GAS2L2: variants seen among roughly 807,000 people sequenced by gnomAD.
The protein encoded by GAS2L2 is GAS2-like protein 2.
In GAS2L2, 21 loss-of-function variants were observed where a neutral mutation model predicts 35.2. That is an observed-to-expected ratio of 0.60 (90% CI 0.42 to 0.86). The LOEUF (loss-of-function observed/expected upper bound fraction) is 0.86, where lower values mean the gene tolerates loss of function less well. GAS2L2 is among the 40% of genes least tolerant of loss of function. GAS2L2 has a pLI of 0.00. For missense variants in GAS2L2, 1,169 were observed against 1,144.4 expected (o/e 1.02, Z -0.31); for synonymous variants, 490 against 473.2 (o/e 1.04, Z -0.46).
At position 35,750,181 on chromosome 17, in the gene GAS2L2, T is replaced by G. The variant is rs930706750; in HGVS notation, c.523A>C (p.Ile175Leu). 1.2e-6 allele frequency: 2 copies of G among 1,612,638 alleles called. No individual in the cohort carries two copies. The highest frequency in any genetic ancestry group is 2.7e-5 in the African/African-American group (2 of 74,948). Residue 175 changes from isoleucine to leucine, a missense_variant, in exon 2 of 6, where the codon ATC becomes CTC. Coordinates refer to ENST00000604641, the MANE Select transcript of GAS2L2 (RefSeq NM_139285.4). ...APTLVQLEEE[I>L]EEEVRRELAL... ...AGCTCCCGCCGCACCTCCTCCTCGATCTCCTCCTCCAGCTGCACGAGTGTG... is the reference window on the plus strand; with the variant it reads ...AGCTCCCGCCGCACCTCCTCCTCGAGCTCCTCCTCCAGCTGCACGAGTGTG...
intron 3 of GAS2L2, 32 bp downstream of exon 3, chr17:35,749,078 T>TG: frequency 7.1e-7 from 1 of 1,412,976 alleles, no homozygotes; most frequent in Non-Finnish European, 1.0e-6. Context: ...AACCCTATTC[T>TG]GGGGGTCCCT....
chr17:35,748,228 T>C (rs587659797), intron 3 of GAS2L2, among the ~76,000 whole-genome samples: 1 of 152,300 alleles, frequency 6.6e-6, no homozygotes, highest in African/African-American at 2.4e-5. Context: ...GTAAACGGTT[T>C]TGCATCTGTA....
Position 35,747,807 on chromosome 17 carries a change from C to T in GAS2L2, c.832+42G>A, listed in dbSNP as rs375985590. 108 of 1,566,738 alleles carry T rather than the reference C, an allele frequency of 6.9e-5. No individual in the cohort carries two copies. The African/African-American group carries it at 1.3e-3, about 18-fold the overall frequency. On this transcript the variant is annotated intron_variant, in intron 4 of 5. Transcript: ENST00000604641. ...AGCCTCCCAACCCAGAGCTAGGCCTCTTCAACCAACCCCACAGGGAGAGGG... is the reference window on the plus strand; with the variant it reads ...AGCCTCCCAACCCAGAGCTAGGCCTTTTCAACCAACCCCACAGGGAGAGGG...
Position 35,752,551 on chromosome 17 carries a change from A to G in GAS2L2, c.300T>C (p.Asn100=). The change falls in exon 1 of 6, where the codon AAT becomes AAC. Residue 100 remains asparagine, a synonymous_variant. Transcript: ENST00000604641. ...GGAAGGTACCTGGCTGGGCGGCCCC[A>G]TTGCAGGAGACCCCGACCCGGGGCA... ...IPMPRVGVSC[N]GAAQPGTFQA... is the part of the protein sequence containing the mutation. 1 of 1,613,638 alleles carries G rather than the reference A, an allele frequency of 6.2e-7. No individual in the cohort carries two copies. The highest frequency in any genetic ancestry group is 8.5e-7 in the Non-Finnish European group (1 of 1,179,558).
Position 35,744,598 on chromosome 17 carries a change from T to C in GAS2L2, c.*256A>G. 1 of 455,072 alleles carries C rather than the reference T, an allele frequency of 2.2e-6. No homozygotes were observed. Among genetic ancestry groups the C allele is most frequent in the East Asian group, 3.2e-5 (1 of 31,110 alleles). The allele number at this position is 455,072 out of a possible 1,614,324, so 28.2% of individuals were successfully genotyped here. ...CAGGGGCCAGAGGCCAGGAGTGTGG[T>C]GAGCCGTTCTAGGGGAGAGTAATGA... is the stretch of plus-strand genomic sequence containing the variant. On this transcript the variant is annotated 3_prime_UTR_variant, in exon 6 of 6. Coordinates refer to ENST00000604641, the MANE Select transcript of GAS2L2 (RefSeq NM_139285.4).
At chr17:35,752,219 A>C (rs2085707966) in intron 1 of GAS2L2, among the ~76,000 whole-genome samples, 1 of 152,230 alleles carries the variant, frequency 6.6e-6, no homozygotes, top group Non-Finnish European at 1.5e-5. Context: ...CTCAGCACAG[A>C]AGAGGTGCTT....
intron 3 of GAS2L2, among the ~76,000 whole-genome samples, chr17:35,748,635 A>AG (rs1181547864): frequency 2.6e-4 from 39 of 152,328 alleles, no homozygotes; most frequent in African/African-American, 9.1e-4. Flanking sequence ...GGCAAGTGGT[A>AG]GGGGTGGAAC....
rs1024112542 is a variant in GAS2L2, at chr17:35,745,614, C to G, written c.1883G>C (p.Gly628Ala). ...GTAGACCCCACTGCGAGGGATGACC[C>G]CAGACCTTGTGCCCTGCGGACAGGC... is the stretch of plus-strand genomic sequence containing the variant. Reference protein sequence around the residue: ...RSACPQGTRSGVIPRSGVYIP... With the variant: ...RSACPQGTRSAVIPRSGVYIP... Residue 628 changes from glycine (G) to alanine (A), a missense_variant, in exon 6 of 6, where the codon GGG becomes GCG. Gly to Ala is a moderately conservative substitution (Grantham distance 60, BLOSUM62 0). Transcript: ENST00000604641. The G allele has an allele frequency of 6.2e-7, 1 of 1,613,922 alleles. No homozygotes were observed. The highest frequency in any genetic ancestry group is 1.1e-5 in the South Asian group (1 of 91,092).
chr17:35,747,739 G>T, intron 4 of GAS2L2, 110 bp downstream of exon 4: 1 of 838,878 alleles, frequency 1.2e-6, no homozygotes, highest in Non-Finnish European at 2.0e-6. Flanking sequence ...CCCACCTACC[G>T]CTCCCCTCCT....
In GAS2L2 at chr17:35,750,455, G is replaced by A. The variant is rs958339913; in HGVS notation, c.386-137C>T. ...GGGCAGCAGACATGGGGAGTGGTTT[G>A]GGTCTCAGAATCTTGGGGTCAAGTC... On this transcript the variant is annotated intron_variant, in intron 1 of 5. Coordinates refer to ENST00000604641, the MANE Select transcript of GAS2L2 (RefSeq NM_139285.4). 3.1e-5 allele frequency: 38 copies of A among 1,231,200 alleles called. No individual in the cohort carries two copies. The African/African-American group carries it at 4.7e-4, about 15-fold the overall frequency. 76.3% of individuals were successfully genotyped at this position (1,231,200 alleles called of 1,614,324 possible). A position where few individuals can be genotyped will look rare whatever the true frequency, so the allele number is the denominator to read the frequency against.
Position 35,752,885 on chromosome 17 carries a change from C to T in GAS2L2, c.-35G>A, listed in dbSNP as rs782727102. The T allele has an allele frequency of 6.5e-7, 1 of 1,546,762 alleles. No homozygotes were observed. The highest frequency in any genetic ancestry group is 1.8e-5 in the Admixed American group (1 of 54,080). ...CCAGCAGGGCAGGAGGTGGGCACCTCCCCTCTCCCACTGCCGCCTCTTTCC... is the reference window on the plus strand; with the variant it reads ...CCAGCAGGGCAGGAGGTGGGCACCTTCCCTCTCCCACTGCCGCCTCTTTCC... On this transcript the variant is annotated 5_prime_UTR_variant, in exon 1 of 6. Coordinates refer to ENST00000604641, the MANE Select transcript of GAS2L2 (RefSeq NM_139285.4).
Position 35,747,109 on chromosome 17 carries a change from C to T in GAS2L2, c.992G>A (p.Arg331Gln), listed in dbSNP as rs370992265. The T allele has an allele frequency of 6.7e-5, 108 of 1,612,900 alleles. No homozygotes were observed. The African/African-American group carries it at 7.1e-4, about 11-fold the overall frequency. Reference protein sequence around the residue: ...VDWKTYTSSDRRLRPPTPSSP... With the variant: ...VDWKTYTSSDQRLRPPTPSSP... ...GGATGGGGTGGGGGGCCTCAGCCTT[C>T]GGTCTGAAGAGGTATATGTCTTCCA... The change falls in exon 5 of 6, where the codon CGA (arginine) becomes CAA (glutamine). Residue 331 changes from arginine (R) to glutamine (Q), a missense_variant. Arg to Gln is a conservative substitution (Grantham distance 43). Around this residue, in one of 3 missense-constraint regions of GAS2L2, gnomAD observed 1,035 missense variants for 976.5 expected, o/e 1.06. Coordinates refer to ENST00000604641, the MANE Select transcript of GAS2L2 (RefSeq NM_139285.4).
intron 1 of GAS2L2, among the ~76,000 whole-genome samples, chr17:35,751,441 G>A (rs1555599753): frequency 1.3e-5 from 2 of 152,116 alleles, no homozygotes; most frequent in Non-Finnish European, 2.9e-5. Flanking sequence ...GCTAAGGCGG[G>A]CGGATCACTT....
Position 35,753,151 on chromosome 17 carries a change from G to A in GAS2L2, c.-301C>T, listed in dbSNP as rs1234805333. On this transcript the variant is annotated 5_prime_UTR_variant, in exon 1 of 6. Transcript: ENST00000604641. ...TTCACCCCTCTGAGGCCAGATGGAA[G>A]TGAGGACACTCCTCTCTTTCCCCAG... Among the ~76,000 whole-genome samples, 1 of 152,176 alleles carries A rather than the reference G, an allele frequency of 6.6e-6. No individual in the cohort carries two copies. The highest frequency in any genetic ancestry group is 1.5e-5 in the Non-Finnish European group (1 of 68,024).
Position 35,744,591 on chromosome 17 carries a change from A to C in GAS2L2, c.*263T>G. On this transcript the variant is annotated 3_prime_UTR_variant, in exon 6 of 6. Transcript: ENST00000604641. ...GCATGGCCAGGGGCCAGAGGCCAGG[A>C]GTGTGGTGAGCCGTTCTAGGGGAGA... The C allele has an allele frequency of 2.3e-6, 1 of 441,268 alleles. No individual in the cohort carries two copies. The highest frequency in any genetic ancestry group is 4.1e-6 in the Non-Finnish European group (1 of 246,640). 27.3% of individuals were successfully genotyped at this position (441,268 alleles called of 1,614,324 possible).
chr17:35,752,966 C>G lies in GAS2L2; in HGVS notation c.-116G>C. 1 of 1,181,544 alleles carries G rather than the reference C, an allele frequency of 8.5e-7. No individual in the cohort carries two copies. The highest frequency in any genetic ancestry group is 1.2e-6 in the Non-Finnish European group (1 of 862,758). 73.2% of individuals were successfully genotyped at this position (1,181,544 alleles called of 1,614,324 possible). A position where few individuals can be genotyped will look rare whatever the true frequency, so the allele number is the denominator to read the frequency against. On this transcript the variant is annotated 5_prime_UTR_variant, in exon 1 of 6. Transcript: ENST00000604641. ...TTCCTGATTCTGAGGTTCCCGTGTA[C>G]TCGCTGAGAGCCCGGGACCTCCAGT...
At chr17:35,747,384 G>A in intron 4 of GAS2L2, 116 bp from the exon 5 acceptor site, 1 of 1,219,298 alleles carries the variant, frequency 8.2e-7, no homozygotes, top group Non-Finnish European at 1.1e-6. Flanking sequence ...AAAACAGTGG[G>A]ACCTACAGTG....
rs782524428 is a variant in GAS2L2, at chr17:35,750,094, G to A, written c.610C>T (p.Arg204Cys). 3.6e-5 allele frequency: 58 copies of A among 1,602,144 alleles called. No homozygotes were observed. Among genetic ancestry groups the A allele is most frequent in the Non-Finnish European group, 4.8e-5 (57 of 1,176,154 alleles). ...CCCCTCACCATCTGGTCCAGGTTGC[G>A]GAAGTGGCAGGGCTGGCGCCTGGGG... is the stretch of plus-strand genomic sequence containing the variant. ...APPRRQPCHF[R>C]NLDQMVQSLV... is the part of the protein sequence containing the mutation. The change falls in exon 2 of 6, where the codon CGC becomes TGC. Residue 204 changes from arginine to cysteine, a missense_variant. Arg to Cys is a radical substitution (Grantham distance 180). This residue lies in a region of GAS2L2 where 1,035 missense variants were observed against 976.5 expected (regional missense o/e 1.06). Coordinates refer to ENST00000604641, the MANE Select transcript of GAS2L2 (RefSeq NM_139285.4).
chr17:35,745,491 T>C lies in GAS2L2; in HGVS notation c.2006A>G (p.Asp669Gly), dbSNP rs782037187. 4.4e-6 allele frequency: 7 copies of C among 1,601,100 alleles called. No individual in the cohort carries two copies. Among genetic ancestry groups the C allele is most frequent in the East Asian group, 2.2e-5 (1 of 44,634 alleles). Residue 669 changes from aspartate (D) to glycine (G), a missense_variant, in exon 6 of 6, where the codon GAC (aspartate) becomes GGC (glycine). Coordinates refer to ENST00000604641, the MANE Select transcript of GAS2L2 (RefSeq NM_139285.4). ...CGGGGCTGCCTTCCAGGCTTCCAGG[T>C]CCACTTTAAGGAGGGATGGGGACCC... ...AQGSPSLLKVDLEAWKAAPTG... is the reference protein window; with the variant it reads ...AQGSPSLLKVGLEAWKAAPTG...
Sources: gnomAD v4.1 joint callset for allele counts (sites outside exome capture counted in the v4.1 genomes callset) on GRCh38, gnomAD v4.1.1 for gene constraint, gnomAD v4.1.1 regional missense constraint, MANE v1.5 for transcripts, NCBI Gene and HGNC (gene_info 2026-07-23, HGNC 2026-07-21) for gene names.